The following CLASP1 variants were observed in gnomAD, a reference collection of about 807,000 sequenced individuals.
CLASP1 encodes the protein cytoplasmic linker associated protein 1.
In CLASP1, 38 loss-of-function variants were observed where a neutral mutation model predicts 192.3. The observed-to-expected ratio is 0.20, with a 90% CI of 0.15 to 0.26. The LOEUF (loss-of-function observed/expected upper bound fraction) is 0.26. Among genes scored for constraint, CLASP1 ranks in the 10% least tolerant of loss-of-function variants. The pLI, the probability that CLASP1 is intolerant of heterozygous loss-of-function variation, is 1.00. For missense variants in CLASP1, 1,433 were observed against 1,932.5 expected, an observed-to-expected ratio of 0.74 and a Z score of 4.85; for synonymous variants, 691 against 712.8, an observed-to-expected ratio of 0.97 and a Z score of 0.49.
intron 6 of CLASP1, among the ~76,000 whole-genome samples, chr2:121,518,354 A>C (rs2094374948): frequency 6.6e-6 from 1 of 151,930 alleles, no homozygotes; most frequent in African/African-American, 2.4e-5. Flanking sequence ...GTACACACAC[A>C]GAAGAGGTCA....
intron 8 of CLASP1, among the ~76,000 whole-genome samples, chr2:121,478,467 A>G (rs1036613351): frequency 6.6e-6 from 1 of 151,926 alleles, no homozygotes; most frequent in African/African-American, 2.4e-5. Context: ...CCAGCGTGGC[A>G]GCACACTCCT....
At chr2:121,571,898 G>T (rs12616610) in intron 2 of CLASP1, among the ~76,000 whole-genome samples, 2 of 151,860 alleles carry the variant, frequency 1.3e-5, no homozygotes, top group African/African-American at 4.8e-5. Flanking sequence ...AGAACTCAAG[G>T]CTTCGGAGCA....
At chr2:121,546,579 G>A (rs139907605) in intron 2 of CLASP1, among the ~76,000 whole-genome samples, 100 of 152,074 alleles carry the variant, frequency 6.6e-4, no homozygotes, top group Admixed American at 1.0e-3. Flanking sequence ...CGGGAACCAC[G>A]CTTCTTCCAC....
rs570313800 is a variant in CLASP1 at position 121,478,727 on chromosome 2, C to T, written c.713-8767G>A. On this transcript the variant is annotated intron_variant, in intron 8 of 39. Transcript: ENST00000263710. ...CACCCCACACACACAACCACACACA[C>T]ACCACACACACACCCCACACACACC... 4.0e-3 allele frequency among the ~76,000 whole-genome samples: 440 copies of T among 111,102 alleles called. 10 individuals carry two copies. Among genetic ancestry groups the T allele is most frequent in the African/African-American group, 0.014 (421 of 29,350 alleles). The allele number at this position is 111,102 out of a possible 152,430, so 72.9% of individuals were successfully genotyped here.
At chr2:121,492,437 GA>G (rs934400890) in intron 8 of CLASP1, among the ~76,000 whole-genome samples, 1 of 129,696 alleles carries the variant, frequency 7.7e-6, no homozygotes, top group Non-Finnish European at 1.7e-5. Context: ...GCCACAGAAT[GA>G]AAAAAAAATT....
chr2:121,424,344 T>C (rs1258623154), intron 22 of CLASP1, among the ~76,000 whole-genome samples: 1 of 152,228 alleles, frequency 6.6e-6, no homozygotes, highest in African/African-American at 2.4e-5. Flanking sequence ...ACACTGTTGA[T>C]GAGATAAATG....
chr2:121,494,360 A>G (rs185484335), intron 8 of CLASP1, among the ~76,000 whole-genome samples: 62 of 152,324 alleles, frequency 4.1e-4, no homozygotes, highest in African/African-American at 1.4e-3. Context: ...GACAAACTTC[A>G]TATGTTCTCA....
At chr2:121,554,747 T>A (rs535612329) in intron 2 of CLASP1, among the ~76,000 whole-genome samples, 1 of 152,190 alleles carries the variant, frequency 6.6e-6, no homozygotes, top group African/African-American at 2.4e-5. Flanking sequence ...GAAGTGAGTG[T>A]TGACTGCAAA....
At chr2:121,451,084 T>C in intron 15 of CLASP1, 94 bp from the exon 16 acceptor site, 1 of 870,090 alleles carries the variant, frequency 1.1e-6, no homozygotes, top group Non-Finnish European at 1.9e-6. Flanking sequence ...AATGGCAACA[T>C]GGAGCTGGGA....
intron 2 of CLASP1, among the ~76,000 whole-genome samples, chr2:121,544,687 A>T (rs2095295955): frequency 6.6e-6 from 1 of 152,086 alleles, no homozygotes; most frequent in Non-Finnish European, 1.5e-5. Context: ...GGAGTTACTA[A>T]ACACACACGT....
chr2:121,401,901 T>C lies in CLASP1; in HGVS notation c.2734-31A>G. The C allele has an allele frequency of 4.3e-6, 3 of 690,250 alleles. 1 individual carries two copies. Among genetic ancestry groups the C allele is most frequent in the South Asian group, 2.8e-5 (2 of 72,602 alleles). 42.8% of individuals were successfully genotyped at this position (690,250 alleles called of 1,614,324 possible). A position where few individuals can be genotyped will look rare whatever the true frequency, so the allele number is the denominator to read the frequency against. On this transcript the variant is annotated intron_variant, in intron 26 of 39. Coordinates refer to ENST00000263710, the Ensembl canonical transcript of CLASP1. ...GTGAATTCCACCGCAAACGAGGCCA[T>C]GCAACAAAACAAATTCCATGTTAGT...
At chr2:121,426,074 G>A (rs1343745387) in intron 21 of CLASP1, among the ~76,000 whole-genome samples, 2 of 152,212 alleles carry the variant, frequency 1.3e-5, no homozygotes, top group South Asian at 4.1e-4. Context: ...GAGCCCAGGA[G>A]GTCAAGGCTG....
intron 36 of CLASP1, 124 bp from the exon 38 acceptor site, chr2:121,363,424 C>G (rs1332178469): frequency 1.9e-6 from 2 of 1,053,616 alleles, no homozygotes; most frequent in African/African-American, 1.6e-5. Flanking sequence ...GCAGAACCCT[C>G]TAAACAGATC....
chr2:121,470,228 C>A lies in CLASP1; in HGVS notation c.713-268G>T, dbSNP rs557416186. On this transcript the variant is annotated intron_variant, in intron 8 of 39. Coordinates refer to ENST00000263710, the Ensembl canonical transcript of CLASP1. ...GAACAAATATAAAGAAGAAAACAATCTCTCATAAAACCACCACCTTGAAAC... is the reference window on the plus strand; with the variant it reads ...GAACAAATATAAAGAAGAAAACAATATCTCATAAAACCACCACCTTGAAAC... The A allele has an allele frequency of 2.2e-4, 114 of 523,766 alleles. 1 individual carries two copies. Among genetic ancestry groups the A allele is most frequent in the South Asian group, 1.6e-3 (107 of 66,946 alleles). 32.4% of individuals were successfully genotyped at this position (523,766 alleles called of 1,614,324 possible).
chr2:121,439,215 CTTT>C (rs2149712073), intron 19 of CLASP1, among the ~76,000 whole-genome samples: 1 of 151,912 alleles, frequency 6.6e-6, no homozygotes, highest in African/African-American at 2.4e-5. Context: ...TTTGATTCTT[CTTT>C]TTTTCTTTAT....
At chr2:121,400,782 G>A (rs527558240) in intron 28 of CLASP1, among the ~76,000 whole-genome samples, 1 of 152,260 alleles carries the variant, frequency 6.6e-6, no homozygotes, top group African/African-American at 2.4e-5. Context: ...AATTTTCTGA[G>A]TGACTTGGAA....
intron 7 of CLASP1, among the ~76,000 whole-genome samples, chr2:121,515,266 T>G (rs548463780): frequency 6.6e-6 from 1 of 152,342 alleles, no homozygotes; most frequent in Admixed American, 6.5e-5. Context: ...TTATGAATTT[T>G]TATCCAAACA....
chr2:121,469,326 C>T (rs921129141), intron 9 of CLASP1, among the ~76,000 whole-genome samples: 13 of 152,128 alleles, frequency 8.5e-5, no homozygotes, highest in African/African-American at 2.2e-4. Context: ...ACCCACAGCA[C>T]GACCCTGCAT....
chr2:121,409,390 C>T (rs17826036), intron 24 of CLASP1, among the ~76,000 whole-genome samples: 2,400 of 152,134 alleles, frequency 0.016, 20 homozygotes, highest in Non-Finnish European at 0.024. Flanking sequence ...GTCTATTCAG[C>T]GAGGCAAAGA....
Sources: allele counts gnomAD v4.1 joint callset (sites outside exome capture counted in the v4.1 genomes callset), GRCh38; gene constraint gnomAD v4.1.1; transcripts MANE v1.5; gene names NCBI Gene and HGNC (gene_info 2026-07-23, HGNC 2026-07-21).